Variants in PTPRT observed in about 807,000 individuals in gnomAD.
PTPRT encodes the protein receptor-type tyrosine-protein phosphatase T.
PTPRT carries 56 observed loss-of-function variants against 176.8 expected under a neutral mutation model. The observed-to-expected ratio is 0.32, with a 90% CI of 0.26 to 0.40. The LOEUF is 0.40. PTPRT is among the 10% of genes least tolerant of loss of function. The pLI, the probability that PTPRT is intolerant of heterozygous loss-of-function variation, is 1.00. For synonymous variants in PTPRT, 783 were observed against 739.0 expected (o/e 1.06, Z -0.96); for missense variants, 1,540 against 1,908.2 (o/e 0.81, Z 3.60).
downstream of PTPRT, among the ~76,000 whole-genome samples, chr20:42,069,431 T>C (rs1260711045): frequency 6.6e-6 from 1 of 152,192 alleles, no homozygotes; most frequent in Non-Finnish European, 1.5e-5. Flanking sequence ...TTGTGGGAGA[T>C]GGGCAGTGCC....
intron 7 of PTPRT, among the ~76,000 whole-genome samples, chr20:42,599,175 A>G (rs192927369): frequency 6.6e-6 from 1 of 152,276 alleles, no homozygotes; most frequent in East Asian, 1.9e-4. Context: ...ACAGCAGCCA[A>G]GCATTGAGGG....
chr20:42,281,758 G>A (rs1422072881), intron 13 of PTPRT, among the ~76,000 whole-genome samples: 1 of 152,150 alleles, frequency 6.6e-6, no homozygotes, highest in Non-Finnish European at 1.5e-5. Flanking sequence ...TGTTGTGTGT[G>A]TATGGGGAGG....
intron 11 of PTPRT, among the ~76,000 whole-genome samples, chr20:42,316,918 A>C (rs1461338803): frequency 6.6e-6 from 1 of 152,090 alleles, no homozygotes; most frequent in African/African-American, 2.4e-5. Context: ...TCTAATCTCC[A>C]TCTGCTTTGT....
chr20:42,342,625 C>G (rs2058128944), intron 11 of PTPRT, among the ~76,000 whole-genome samples: 1 of 152,206 alleles, frequency 6.6e-6, no homozygotes, highest in African/African-American at 2.4e-5. Flanking sequence ...TCAATAAATC[C>G]TCTAAATGTT....
At chr20:42,383,436 T>C (rs561514185) in intron 9 of PTPRT, among the ~76,000 whole-genome samples, 1 of 151,070 alleles carries the variant, frequency 6.6e-6, no homozygotes, top group Non-Finnish European at 1.5e-5. Context: ...AAAAAACAAC[T>C]ATTTGAATGG....
chr20:43,155,894 C>T (rs910967605), intron 1 of PTPRT, among the ~76,000 whole-genome samples: 1 of 152,210 alleles, frequency 6.6e-6, no homozygotes, highest in African/African-American at 2.4e-5. Flanking sequence ...GCAGCCTGAG[C>T]CCTCACCACA....
intron 2 of PTPRT, among the ~76,000 whole-genome samples, chr20:42,874,013 A>G (rs1420100410): frequency 2.0e-5 from 3 of 152,248 alleles, no homozygotes; most frequent in Non-Finnish European, 4.4e-5. Flanking sequence ...GAAAAGACAG[A>G]TCACACATTT....
At chr20:42,863,764 G>A (rs1334688710) in intron 2 of PTPRT, among the ~76,000 whole-genome samples, 3 of 152,194 alleles carry the variant, frequency 2.0e-5, no homozygotes, top group Non-Finnish European at 4.4e-5. Flanking sequence ...TTGAAAGCTG[G>A]TCTTGCTGTA....
chr20:42,294,088 AAAGC>A (rs1269168055), intron 12 of PTPRT, among the ~76,000 whole-genome samples: 2 of 152,208 alleles, frequency 1.3e-5, no homozygotes, highest in Non-Finnish European at 2.9e-5. Flanking sequence ...AAATATCTCT[AAAGC>A]TTTCAACACA....
the PTPRT span, among the ~76,000 whole-genome samples, chr20:42,053,202 C>T: frequency 6.6e-6 from 1 of 152,202 alleles, no homozygotes; most frequent in East Asian, 1.9e-4. Context: ...GTCCCGTATC[C>T]AGAGGTTCAG....
At chr20:42,567,247 C>G (rs907942217) in intron 7 of PTPRT, among the ~76,000 whole-genome samples, 12 of 150,768 alleles carry the variant, frequency 8.0e-5, no homozygotes, top group African/African-American at 1.7e-4. Flanking sequence ...TACTTCCAGC[C>G]TGGGCAACAA....
At chr20:42,514,786 G>A (rs1001922216) in intron 7 of PTPRT, among the ~76,000 whole-genome samples, 1 of 152,056 alleles carries the variant, frequency 6.6e-6, no homozygotes. Flanking sequence ...TTTTCCAAGT[G>A]GAAAATCAAT....
intron 7 of PTPRT, among the ~76,000 whole-genome samples, chr20:42,663,396 T>C (rs1347060832): frequency 6.6e-6 from 1 of 152,142 alleles, no homozygotes; most frequent in African/African-American, 2.4e-5. Flanking sequence ...ATGCGACCCC[T>C]TGCCTGAGTC....
At chr20:42,920,420 T>G (rs1979070056) in intron 1 of PTPRT, among the ~76,000 whole-genome samples, 2 of 150,360 alleles carry the variant, frequency 1.3e-5, no homozygotes, top group African/African-American at 2.5e-5. Flanking sequence ...GAGGGGAGGG[T>G]GATAAAAAGC....
downstream of PTPRT, among the ~76,000 whole-genome samples, chr20:42,067,780 A>G (rs1982131544): frequency 6.6e-6 from 1 of 152,112 alleles, no homozygotes; most frequent in Non-Finnish European, 1.5e-5. Flanking sequence ...GCGGCCCTCT[A>G]TGGGTGTTGG....
chr20:43,182,602 G>A (rs1008785454), intron 1 of PTPRT, among the ~76,000 whole-genome samples: 47 of 152,074 alleles, frequency 3.1e-4, no homozygotes, highest in African/African-American at 1.1e-3. Flanking sequence ...TGTTGACCAG[G>A]CTGGTCTTGA....
chr20:42,860,040 G>A (rs1457735161), intron 2 of PTPRT, among the ~76,000 whole-genome samples: 1 of 152,036 alleles, frequency 6.6e-6, no homozygotes, highest in Non-Finnish European at 1.5e-5. Context: ...TGTCATCTAT[G>A]TTTTCCAAAT....
chr20:42,498,213 A>G (rs988006237), intron 7 of PTPRT, among the ~76,000 whole-genome samples: 2 of 152,156 alleles, frequency 1.3e-5, no homozygotes, highest in African/African-American at 2.4e-5. Context: ...TCGAAAATAA[A>G]ATTCTAAGCC....
In PTPRT at chr20:42,479,342, A is replaced by C. The variant is rs377041066; in HGVS notation, c.1154-6780T>G. Among the ~76,000 whole-genome samples, 8 of 152,306 alleles carry C rather than the reference A, an allele frequency of 5.3e-5. No individual in the cohort carries two copies. The South Asian group carries it at 8.3e-4, about 16-fold the overall frequency. ...TGTATGCAAAATTAATTTTTTATCC[A>C]TTTGGAGATGCAATTTGAGTTCTTT... is the stretch of plus-strand genomic sequence containing the variant. On this transcript the variant is annotated intron_variant, in intron 7 of 30. Coordinates refer to ENST00000373187, the MANE Select transcript of PTPRT (RefSeq NM_007050.6).
Sources: gnomAD v4.1 joint callset for allele counts (sites outside exome capture counted in the v4.1 genomes callset) on GRCh38, gnomAD v4.1.1 for gene constraint, MANE v1.5 for transcripts, NCBI Gene and HGNC (gene_info 2026-07-23, HGNC 2026-07-21) for gene names.